Variants in ENTREP2 observed in about 807,000 individuals in gnomAD.
ENTREP2 encodes protein ENTREP2.
the ENTREP2 span, among the ~76,000 whole-genome samples, chr15:29,308,148 A>C: frequency 6.6e-6 from 1 of 152,066 alleles, no homozygotes; most frequent in African/African-American, 2.4e-5. Flanking sequence ...AATTACTCCT[A>C]ACAGGAATTC....
At chr15:29,156,911 A>G in the ENTREP2 span, among the ~76,000 whole-genome samples, 2 of 152,088 alleles carry the variant, frequency 1.3e-5, no homozygotes, top group Admixed American at 6.5e-5. Flanking sequence ...TCTGACCAAC[A>G]TGGTGAAACC....
the ENTREP2 span, among the ~76,000 whole-genome samples, chr15:29,249,442 T>C: frequency 6.6e-6 from 1 of 152,220 alleles, no homozygotes. Flanking sequence ...CATACATCCA[T>C]ATACACACAC....
At chr15:29,196,396 A>G in the ENTREP2 span, 9 of 1,545,472 alleles carry the variant, frequency 5.8e-6, no homozygotes, top group Admixed American at 1.6e-4. Context: ...GCATGGAATG[A>G]AATGCATGCA....
At chr15:29,438,486 C>T in the ENTREP2 span, among the ~76,000 whole-genome samples, 104 of 152,254 alleles carry the variant, frequency 6.8e-4, 3 homozygotes, top group South Asian at 7.5e-3. Context: ...CAAACCAGTT[C>T]CTGTTGTCAG....
chr15:29,418,633 G>A, the ENTREP2 span, among the ~76,000 whole-genome samples: 6 of 152,310 alleles, frequency 3.9e-5, no homozygotes, highest in South Asian at 2.1e-4. Flanking sequence ...GCTCATCAGT[G>A]TCCCCAGTAA....
chr15:29,274,253 C>G, the ENTREP2 span, among the ~76,000 whole-genome samples: 1 of 152,176 alleles, frequency 6.6e-6, no homozygotes, highest in Non-Finnish European at 1.5e-5. Flanking sequence ...ATCCCCACAA[C>G]AAACCTATCA....
the ENTREP2 span, among the ~76,000 whole-genome samples, chr15:29,411,405 T>C: frequency 2.6e-5 from 4 of 152,178 alleles, no homozygotes; most frequent in Non-Finnish European, 5.9e-5. Context: ...TGTAAACGAT[T>C]TCTCTCCACA....
chr15:29,149,860 G>C, the ENTREP2 span, among the ~76,000 whole-genome samples: 21 of 152,338 alleles, frequency 1.4e-4, no homozygotes, highest in East Asian at 1.2e-3. Context: ...AGACCGGAAA[G>C]GATGTGCTGG....
chr15:29,449,543 A>G, the ENTREP2 span, among the ~76,000 whole-genome samples: 3 of 152,206 alleles, frequency 2.0e-5, no homozygotes, highest in African/African-American at 7.2e-5. Flanking sequence ...TAGGACAAAA[A>G]CCTCAGCAGA....
chr15:29,396,806 C>T, the ENTREP2 span, among the ~76,000 whole-genome samples: 1 of 152,048 alleles, frequency 6.6e-6, no homozygotes, highest in Non-Finnish European at 1.5e-5. Flanking sequence ...GTTAAGGGTC[C>T]AACTTCATTT....
At chr15:29,480,481 C>T in the ENTREP2 span, among the ~76,000 whole-genome samples, 1 of 151,930 alleles carries the variant, frequency 6.6e-6, no homozygotes, top group South Asian at 2.1e-4. Context: ...TGGACAGCAC[C>T]CTGGTAGGGC....
At chr15:29,517,296 C>G in the ENTREP2 span, among the ~76,000 whole-genome samples, 2 of 152,164 alleles carry the variant, frequency 1.3e-5, no homozygotes, top group Admixed American at 6.5e-5. Flanking sequence ...AATAACTCAA[C>G]TGTTAGAATA....
chr15:29,358,630 A>G, the ENTREP2 span, among the ~76,000 whole-genome samples: 1 of 152,182 alleles, frequency 6.6e-6, no homozygotes, highest in African/African-American at 2.4e-5. Context: ...TCCTAATTTA[A>G]AACAGAAAAG....
the ENTREP2 span, among the ~76,000 whole-genome samples, chr15:29,184,165 AG>A: frequency 6.6e-6 from 1 of 152,118 alleles, no homozygotes; most frequent in East Asian, 1.9e-4. Context: ...TTGTATTTTT[AG>A]TAGACACGGG....
At chr15:29,376,253 T>C in the ENTREP2 span, 1 of 152,220 alleles carries the variant, frequency 6.6e-6, no homozygotes, top group Non-Finnish European at 1.5e-5. Flanking sequence ...TTAAAACTTA[T>C]ACCGCCTGTG....
chr15:29,168,307 T>TGGTAC, the ENTREP2 span, among the ~76,000 whole-genome samples: 4 of 152,244 alleles, frequency 2.6e-5, no homozygotes, highest in Admixed American at 2.6e-4. Context: ...ATACCACCTG[T>TGGTAC]ACCCCAATAA....
At chr15:29,321,906 G>A in the ENTREP2 span, among the ~76,000 whole-genome samples, 1 of 151,856 alleles carries the variant, frequency 6.6e-6, no homozygotes, top group Non-Finnish European at 1.5e-5. Context: ...ATTGATAGGT[G>A]CAGCAAACCA....
the ENTREP2 span, among the ~76,000 whole-genome samples, chr15:29,463,442 C>T: frequency 6.6e-6 from 1 of 152,082 alleles, no homozygotes; most frequent in African/African-American, 2.4e-5. Context: ...CACAATTATA[C>T]AATGTATTAA....
the ENTREP2 span, among the ~76,000 whole-genome samples, chr15:29,443,700 G>A: frequency 6.6e-6 from 1 of 152,042 alleles, no homozygotes; most frequent in African/African-American, 2.4e-5. Flanking sequence ...CTCCAAAGAG[G>A]GGTCTGAGAA....
Sources: gnomAD v4.1 joint callset for allele counts (sites outside exome capture counted in the v4.1 genomes callset) on GRCh38, gnomAD v4.1.1 for gene constraint, MANE v1.5 for transcripts, NCBI Gene and HGNC (gene_info 2026-07-23, HGNC 2026-07-21) for gene names.